Variants in USH2A observed in about 807,000 individuals in gnomAD.
USH2A encodes the protein Usher syndrome 2A (autosomal recessive, mild).
USH2A carries 443 observed loss-of-function variants against 538.9 expected under a neutral mutation model. The observed-to-expected ratio is 0.82, with a 90% CI of 0.76 to 0.89. The LOEUF (loss-of-function observed/expected upper bound fraction) is 0.89, where lower values mean the gene tolerates loss of function less well. USH2A is among the 40% of genes least tolerant of loss of function. USH2A has a pLI of 0.00. For synonymous variants in USH2A, 2,413 were observed against 2,273.5 expected (o/e 1.06, Z -1.75); for missense variants, 6,633 against 6,324.8 (o/e 1.05, Z -1.65).
chr1:215,684,594 G>A (rs569245828), intron 61 of USH2A, among the ~76,000 whole-genome samples: 3 of 152,062 alleles, frequency 2.0e-5, no homozygotes, highest in African/African-American at 7.2e-5. Flanking sequence ...TTTTTACCCT[G>A]CTCCCAGTAA....
chr1:215,866,924 A>C lies in USH2A; in HGVS notation c.8845+83T>G, dbSNP rs1664483895. 3.8e-6 allele frequency: 6 copies of C among 1,578,356 alleles called. No individual in the cohort carries two copies. The South Asian group carries it at 6.7e-5, about 18-fold the overall frequency. On this transcript the variant is annotated intron_variant, in intron 44 of 71. Transcript: ENST00000307340. ...ACACTTCACTATCAAAATGATGTGTACATGGGGGAGGTTCATAGTAAAGAA... is the reference window on the plus strand; with the variant it reads ...ACACTTCACTATCAAAATGATGTGTCCATGGGGGAGGTTCATAGTAAAGAA...
chr1:215,756,479 C>T (rs553182924), intron 58 of USH2A, among the ~76,000 whole-genome samples: 34 of 152,234 alleles, frequency 2.2e-4, no homozygotes, highest in African/African-American at 7.9e-4. Context: ...CCGTATTGCT[C>T]TTGGAGAATT....
At position 215,898,807 on chromosome 1, in the gene USH2A, T is replaced by C. The variant is rs117926115; in HGVS notation, c.7594+1268A>G. Reference sequence around the variant, plus strand: ...GTCCATAAATCTGGTGATCATGGTGTCCAGATTCCCCAGAGTGTATGTAAT... The same window carrying C: ...GTCCATAAATCTGGTGATCATGGTGCCCAGATTCCCCAGAGTGTATGTAAT... On this transcript the variant is annotated intron_variant, in intron 40 of 71. Transcript: ENST00000307340. 1.1e-4 allele frequency among the ~76,000 whole-genome samples: 17 copies of C among 152,338 alleles called. No homozygotes were observed. The East Asian group carries it at 1.9e-3, about 17-fold the overall frequency.
intron 21 of USH2A, among the ~76,000 whole-genome samples, chr1:216,141,335 C>T (rs745976483): frequency 5.3e-5 from 8 of 152,192 alleles, no homozygotes; most frequent in South Asian, 2.1e-4. Flanking sequence ...GTCTGCCTGC[C>T]AGGTGCTGTG....
At chr1:215,982,896 G>A (rs887014894) in intron 35 of USH2A, among the ~76,000 whole-genome samples, 4 of 152,194 alleles carry the variant, frequency 2.6e-5, no homozygotes, top group South Asian at 2.1e-4. Flanking sequence ...ACCTAGTCTG[G>A]GTAGGATACG....
intron 35 of USH2A, among the ~76,000 whole-genome samples, chr1:215,988,090 G>T (rs538149970): frequency 4.4e-4 from 66 of 151,246 alleles, no homozygotes; most frequent in Non-Finnish European, 7.5e-4. Flanking sequence ...GTGTACCATT[G>T]TGTTATCTAC....
intron 49 of USH2A, among the ~76,000 whole-genome samples, chr1:215,803,037 G>A (rs568886476): frequency 1.2e-4 from 19 of 152,230 alleles, no homozygotes; most frequent in African/African-American, 4.3e-4. Flanking sequence ...AAAACCACAT[G>A]ATTATGTCAA....
intron 44 of USH2A, among the ~76,000 whole-genome samples, chr1:215,864,593 T>A (rs11120679): frequency 0.027 from 4,063 of 152,262 alleles, 181 homozygotes; most frequent in African/African-American, 0.092. Context: ...ATCATTTGAC[T>A]TGTCAAGTGA....
chr1:215,979,586 G>A (rs186183100), intron 35 of USH2A, among the ~76,000 whole-genome samples: 15 of 152,200 alleles, frequency 9.9e-5, no homozygotes, highest in African/African-American at 3.4e-4. Flanking sequence ...TATTAAAGAC[G>A]TCTTTTCCTG....
chr1:216,287,584 G>T (rs1170945911), intron 11 of USH2A, among the ~76,000 whole-genome samples: 1 of 151,918 alleles, frequency 6.6e-6, no homozygotes, highest in Non-Finnish European at 1.5e-5. Flanking sequence ...AACCACCCAA[G>T]GTTGTCTAGC....
At chr1:215,675,919 A>AGGT (rs960308939) in intron 62 of USH2A, among the ~76,000 whole-genome samples, 7 of 152,150 alleles carry the variant, frequency 4.6e-5, no homozygotes, top group African/African-American at 1.4e-4. Flanking sequence ...GGTATTCACA[A>AGGT]GGTTTCTCCT....
At chr1:215,766,810 T>TA in intron 55 of USH2A, 22 bp from the exon 56 acceptor site, 1 of 1,594,964 alleles carries the variant, frequency 6.3e-7, no homozygotes. Context: ...AAGCAAGAAA[T>TA]AAAGTGCACC....
At chr1:215,963,353 T>A (rs1667248455) in intron 37 of USH2A, among the ~76,000 whole-genome samples, 1 of 152,138 alleles carries the variant, frequency 6.6e-6, no homozygotes, top group South Asian at 2.1e-4. Context: ...CCAGTGCCAG[T>A]GAACCAATGA....
chr1:216,280,996 G>A (rs1052710044), intron 11 of USH2A, among the ~76,000 whole-genome samples: 3 of 152,100 alleles, frequency 2.0e-5, no homozygotes, highest in Admixed American at 6.5e-5. Context: ...TGACACTGTT[G>A]ACAACTTTTT....
chr1:216,116,083 CTG>C (rs1171422365), intron 21 of USH2A, among the ~76,000 whole-genome samples: 5 of 151,426 alleles, frequency 3.3e-5, no homozygotes, highest in African/African-American at 7.3e-5. Context: ...ATTACTTACT[CTG>C]TGTTTCTATA....
intron 9 of USH2A, among the ~76,000 whole-genome samples, chr1:216,299,942 G>A (rs1453003451): frequency 6.6e-6 from 1 of 152,040 alleles, no homozygotes; most frequent in Non-Finnish European, 1.5e-5. Flanking sequence ...GCCTATTTGG[G>A]TCTTTGATCC....
chr1:215,752,301 G>T (rs145901115), intron 58 of USH2A, among the ~76,000 whole-genome samples: 199 of 152,226 alleles, frequency 1.3e-3, no homozygotes, highest in African/African-American at 4.6e-3. Flanking sequence ...TTGTTTGTAT[G>T]TCACCTGATT....
At chr1:215,629,318 C>A (rs113194148) in intron 70 of USH2A, among the ~76,000 whole-genome samples, 47 of 152,268 alleles carry the variant, frequency 3.1e-4, no homozygotes, top group African/African-American at 1.1e-3. Context: ...CACTGGTGCT[C>A]TGGCTGTTGT....
At chr1:215,850,516 G>A (rs1443464034) in intron 44 of USH2A, among the ~76,000 whole-genome samples, 1 of 152,048 alleles carries the variant, frequency 6.6e-6, no homozygotes, top group South Asian at 2.1e-4. Context: ...AGGCCCTGGG[G>A]AATGGTGGAT....
Sources: allele counts gnomAD v4.1 joint callset (sites outside exome capture counted in the v4.1 genomes callset), GRCh38; gene constraint gnomAD v4.1.1; transcripts MANE v1.5; gene names NCBI Gene and HGNC (gene_info 2026-07-23, HGNC 2026-07-21).